Variants in ATP2B4 observed in about 807,000 individuals in gnomAD.
The protein encoded by ATP2B4 is plasma membrane calcium-transporting ATPase 4.
A neutral mutation model predicts 110.3 loss-of-function variants in ATP2B4; 39 were observed. That is an observed-to-expected ratio of 0.35 (90% CI 0.27 to 0.46). The LOEUF (loss-of-function observed/expected upper bound fraction) is 0.46. Ranked by LOEUF, ATP2B4 falls within the 20% of genes least tolerant of loss-of-function variation. The pLI, the probability that ATP2B4 is intolerant of heterozygous loss-of-function variation, is 1.00. For missense variants in ATP2B4, 1,135 were observed against 1,530.9 expected (o/e 0.74, Z 4.32); for synonymous variants, 538 against 571.7 (o/e 0.94, Z 0.84).
chr1:203,725,347 C>A (rs1478852251), intron 19 of ATP2B4, among the ~76,000 whole-genome samples: 1 of 152,146 alleles, frequency 6.6e-6, no homozygotes, highest in African/African-American at 2.4e-5. Context: ...CAGGGTTTCA[C>A]CATGTTGGCT....
chr1:203,655,011 A>G (rs1053688369), intron 1 of ATP2B4, among the ~76,000 whole-genome samples: 1 of 152,192 alleles, frequency 6.6e-6, no homozygotes, highest in Admixed American at 6.5e-5. Flanking sequence ...TGAGGGGCTC[A>G]GGATTTCAGT....
At chr1:203,705,666 C>T (rs1665828826) in intron 8 of ATP2B4, among the ~76,000 whole-genome samples, 1 of 152,250 alleles carries the variant, frequency 6.6e-6, no homozygotes, top group South Asian at 2.1e-4. Context: ...ATCTGCCGGC[C>T]TCAGCCTCCC....
chr1:203,719,669 CACACCACTGCTGTCCAGCCTGGGCA>C (rs1422276978), intron 15 of ATP2B4, among the ~76,000 whole-genome samples: 1 of 151,792 alleles, frequency 6.6e-6, no homozygotes, highest in East Asian at 1.9e-4. Flanking sequence ...GAGCTGAGAT[CACACCACTGCTGTCCAGCCTGGGCA>C]ACAGAGGGAG....
chr1:203,627,971 T>A (rs556027224), intron 1 of ATP2B4, among the ~76,000 whole-genome samples: 2 of 152,288 alleles, frequency 1.3e-5, no homozygotes, highest in East Asian at 3.9e-4. Flanking sequence ...CAGAACCAAC[T>A]GTATGAGTGT....
Position 203,698,227 on chromosome 1 carries a change from A to G in ATP2B4, c.264A>G (p.Lys88=), listed in dbSNP as rs1173714734. The G allele has an allele frequency of 5.6e-6, 9 of 1,614,060 alleles. No homozygotes were observed. In the East Asian group the frequency reaches 1.3e-4, roughly 24 times the overall value. The change falls in exon 3 of 21, where the codon AAA becomes AAG. Residue 88 remains lysine (K), a synonymous_variant. Coordinates refer to ENST00000357681, the MANE Select transcript of ATP2B4 (RefSeq NM_001684.5). ...QVFGHNVIPP[K]KPKTFLELVW... is the part of the protein sequence containing the mutation. ...TTGGACACAACGTGATCCCCCCCAA[A>G]AAGCCCAAGACTTTCTTAGAATTAG...
intron 2 of ATP2B4, among the ~76,000 whole-genome samples, chr1:203,692,699 T>C (rs918928775): frequency 2.0e-5 from 3 of 152,204 alleles, no homozygotes; most frequent in African/African-American, 7.2e-5. Context: ...GCTGAGCTGG[T>C]TCTGATAAGT....
chr1:203,727,051 G>A (rs1000563147), intron 19 of ATP2B4, among the ~76,000 whole-genome samples: 13 of 152,168 alleles, frequency 8.5e-5, no homozygotes, highest in African/African-American at 3.1e-4. Context: ...ATGCTGTATA[G>A]TTCTGTTAAC....
Position 203,682,765 on chromosome 1 carries a change from A to C in ATP2B4, c.-441A>C, listed in dbSNP as rs1309895929. 6.5e-6 allele frequency: 1 copy of C among 154,522 alleles called. No individual in the cohort carries two copies. The highest frequency in any genetic ancestry group is 2.0e-4 in the South Asian group (1 of 4,936). The allele number at this position is 154,522 out of a possible 1,614,324, so 9.6% of individuals were successfully genotyped here. A position where few individuals can be genotyped will look rare whatever the true frequency, so the allele number is the denominator to read the frequency against. Reference sequence around the variant, plus strand: ...AGAGATCCAGTTGTCATCGGTATCCAGGAAGCTCTCCTCTTCCTCCTCCTG... The same window carrying C: ...AGAGATCCAGTTGTCATCGGTATCCCGGAAGCTCTCCTCTTCCTCCTCCTG... On this transcript the variant is annotated 5_prime_UTR_variant, in exon 2 of 21. Coordinates refer to ENST00000357681, the MANE Select transcript of ATP2B4 (RefSeq NM_001684.5).
chr1:203,738,916 A>G (rs1181927408), intron 20 of ATP2B4, among the ~76,000 whole-genome samples: 1 of 152,148 alleles, frequency 6.6e-6, no homozygotes, highest in Non-Finnish European at 1.5e-5. Context: ...GAAAGGGCAA[A>G]TTATTATTAG....
At chr1:203,644,525 A>G (rs1663733446) in intron 1 of ATP2B4, among the ~76,000 whole-genome samples, 1 of 152,194 alleles carries the variant, frequency 6.6e-6, no homozygotes, top group South Asian at 2.1e-4. Flanking sequence ...GAAATCACTG[A>G]ACCTTTCTGG....
Position 203,683,265 on chromosome 1 carries a change from G to C in ATP2B4, c.60G>C (p.Gly20=), listed in dbSNP as rs778798145. Residue 20 remains glycine (G), a synonymous_variant, in exon 2 of 21, where the codon GGG becomes GGC. Coordinates refer to ENST00000357681, the MANE Select transcript of ATP2B4 (RefSeq NM_001684.5). ...PANSMAESRE[G]DFGCTVMELR... ...ACTCGATGGCCGAGAGCCGTGAAGGGGACTTTGGCTGCACAGTAATGGAAC... is the reference window on the plus strand; with the variant it reads ...ACTCGATGGCCGAGAGCCGTGAAGGCGACTTTGGCTGCACAGTAATGGAAC... 1 of 1,614,068 alleles carries C rather than the reference G, an allele frequency of 6.2e-7. No homozygotes were observed. Among genetic ancestry groups the C allele is most frequent in the Non-Finnish European group, 8.5e-7 (1 of 1,180,044 alleles).
At chr1:203,675,539 T>G (rs1664802929) in intron 1 of ATP2B4, among the ~76,000 whole-genome samples, 1 of 152,166 alleles carries the variant, frequency 6.6e-6, no homozygotes, top group Non-Finnish European at 1.5e-5. Flanking sequence ...AGATGTAGTT[T>G]GACCAAAAAG....
chr1:203,689,879 G>C (rs112446368), intron 2 of ATP2B4, among the ~76,000 whole-genome samples: 23 of 152,168 alleles, frequency 1.5e-4, no homozygotes, highest in African/African-American at 5.5e-4. Context: ...GGGGAAGGGG[G>C]CTTAGAGCTG....
rs1247783261 is a variant in ATP2B4 at position 203,676,859 on chromosome 1, C to T, written c.-464-5883C>T. On this transcript the variant is annotated intron_variant, in intron 1 of 20. Coordinates refer to ENST00000357681, the MANE Select transcript of ATP2B4 (RefSeq NM_001684.5). ...GACAAGGGGGAAGGGAGGGTGTCTG[C>T]TCCCAAAAAGCTTTGAGTCTATCCC... 2.0e-5 allele frequency among the ~76,000 whole-genome samples: 3 copies of T among 152,134 alleles called. No homozygotes were observed. In the East Asian group the frequency reaches 5.8e-4, roughly 29 times the overall value.
At chr1:203,645,590 C>CTTTTTTTTTTTT (rs751707749) in intron 1 of ATP2B4, among the ~76,000 whole-genome samples, 1 of 138,536 alleles carries the variant, frequency 7.2e-6, no homozygotes. Flanking sequence ...CCTTTTCTTT[C>CTTTTTTTTTTTT]TTTTTTTTTT....
At chr1:203,670,537 G>C (rs1480553139) in intron 1 of ATP2B4, among the ~76,000 whole-genome samples, 1 of 152,204 alleles carries the variant, frequency 6.6e-6, no homozygotes, top group Non-Finnish European at 1.5e-5. Flanking sequence ...TTAATTCATA[G>C]TTAGTACTTT....
At chr1:203,643,815 C>T (rs1663706185) in intron 1 of ATP2B4, among the ~76,000 whole-genome samples, 1 of 152,176 alleles carries the variant, frequency 6.6e-6, no homozygotes, top group African/African-American at 2.4e-5. Flanking sequence ...GATGCAGCGA[C>T]TTGTTGGTTT....
intron 12 of ATP2B4, among the ~76,000 whole-genome samples, 160 bp downstream of exon 12, chr1:203,711,268 C>T (rs1224868781): frequency 6.6e-6 from 1 of 152,114 alleles, no homozygotes; most frequent in Non-Finnish European, 1.5e-5. Context: ...CCAGTATGAT[C>T]GAATGTGGCA....
intron 1 of ATP2B4, among the ~76,000 whole-genome samples, chr1:203,650,226 G>T (rs1254590376): frequency 6.6e-6 from 1 of 152,178 alleles, no homozygotes; most frequent in African/African-American, 2.4e-5. Flanking sequence ...AAGGACGGGC[G>T]CTCCCGGGGA....
Sources: allele counts gnomAD v4.1 joint callset (sites outside exome capture counted in the v4.1 genomes callset), GRCh38; gene constraint gnomAD v4.1.1; transcripts MANE v1.5; gene names NCBI Gene and HGNC (gene_info 2026-07-23, HGNC 2026-07-21).